CDK14: variants seen among roughly 807,000 people sequenced by gnomAD.
CDK14 encodes the protein cyclin dependent kinase 14.
CDK14 carries 34 observed loss-of-function variants against 60.7 expected under a neutral mutation model. The ratio of observed to expected loss-of-function variants is 0.56; its 90% CI spans 0.43 to 0.75. The LOEUF is 0.75. CDK14 is among the 30% of genes least tolerant of loss of function. The pLI is 0.00. For synonymous variants in CDK14, 197 were observed against 203.7 expected, an observed-to-expected ratio of 0.97 and a Z score of 0.28; for missense variants, 482 against 564.1, an observed-to-expected ratio of 0.85 and a Z score of 1.47.
intron 11 of CDK14, among the ~76,000 whole-genome samples, chr7:91,073,195 CACATGATCA>C (rs1476447576): frequency 6.6e-6 from 1 of 151,900 alleles, no homozygotes; most frequent in African/African-American, 2.4e-5. Flanking sequence ...AACCCCAAGA[CACATGATCA>C]ACAGATTCTT....
At chr7:90,945,865 T>C (rs1794084060) in intron 8 of CDK14, among the ~76,000 whole-genome samples, 1 of 152,180 alleles carries the variant, frequency 6.6e-6, no homozygotes, top group South Asian at 2.1e-4. Context: ...ATCTTGTAAG[T>C]GGCAGTCATA....
chr7:90,895,328 TTCCTCTCCTCTCCTC>T (rs1266789751), intron 6 of CDK14, among the ~76,000 whole-genome samples: 1 of 58,330 alleles, frequency 1.7e-5, no homozygotes, highest in African/African-American at 5.2e-5. Flanking sequence ...TTCCTCTCCT[TTCCTCTCCTCTCCTC>T]TCCTCTCCTC....
At chr7:90,874,271 C>T (rs1791474382) in intron 6 of CDK14, among the ~76,000 whole-genome samples, 1 of 151,980 alleles carries the variant, frequency 6.6e-6, no homozygotes, top group Non-Finnish European at 1.5e-5. Context: ...TATCTTTATT[C>T]GGTGCTCATG....
At chr7:90,808,249 A>G (rs1052475566) in intron 5 of CDK14, among the ~76,000 whole-genome samples, 5 of 152,264 alleles carry the variant, frequency 3.3e-5, no homozygotes, top group African/African-American at 4.8e-5. Context: ...GAAGCCCATC[A>G]GACTAACAGT....
chr7:90,623,597 G>T (rs1394120589), intron 2 of CDK14, among the ~76,000 whole-genome samples: 1 of 152,120 alleles, frequency 6.6e-6, no homozygotes, highest in Admixed American at 6.5e-5. Flanking sequence ...AGTAGAATAT[G>T]TAAGTATTGT....
chr7:90,624,285 G>A (rs992261084), intron 2 of CDK14, among the ~76,000 whole-genome samples: 1 of 152,170 alleles, frequency 6.6e-6, no homozygotes, highest in Non-Finnish European at 1.5e-5. Context: ...CATCAGATTA[G>A]GGGAGGTATG....
chr7:91,032,548 A>G (rs1796790884), intron 10 of CDK14, among the ~76,000 whole-genome samples: 1 of 152,198 alleles, frequency 6.6e-6, no homozygotes. Context: ...GAGAGGCAGA[A>G]GGAGATTTGA....
intron 12 of CDK14, among the ~76,000 whole-genome samples, chr7:91,088,266 T>G (rs1219108401): frequency 6.6e-6 from 1 of 152,210 alleles, no homozygotes; most frequent in Non-Finnish European, 1.5e-5. Context: ...GGGAAGGGGA[T>G]TCTGAAAGTA....
At chr7:90,789,060 C>T (rs1481840528) in intron 4 of CDK14, among the ~76,000 whole-genome samples, 1 of 152,112 alleles carries the variant, frequency 6.6e-6, no homozygotes, top group Admixed American at 6.6e-5. Context: ...TTTGACCTTG[C>T]AATGGCACTT....
Position 91,209,496 on chromosome 7 carries a change from C to CTTCTT in CDK14, c.*2365_*2369dup, listed in dbSNP as rs944913426. ...TATTTGCAATCATATTCTCCCTCTGCTTCTTTTCTCTTCTGCCCTCCTTGT... is the reference window on the plus strand; with the variant it reads ...TATTTGCAATCATATTCTCCCTCTGCTTCTTTTCTTTTCTCTTCTGCCCTCCTTGT... On this transcript the variant is annotated 3_prime_UTR_variant, in exon 15 of 15. Transcript: ENST00000380050. 1 of 152,360 alleles carries CTTCTT rather than the reference C, an allele frequency of 6.6e-6. No homozygotes were observed. Among genetic ancestry groups the CTTCTT allele is most frequent in the Non-Finnish European group, 1.5e-5 (1 of 68,002 alleles). 9.4% of individuals were successfully genotyped at this position (152,360 alleles called of 1,614,324 possible).
chr7:90,888,872 CTGTT>C (rs1284745683), intron 6 of CDK14, among the ~76,000 whole-genome samples: 1 of 152,188 alleles, frequency 6.6e-6, no homozygotes, highest in Non-Finnish European at 1.5e-5. Flanking sequence ...TTTCAAGTGA[CTGTT>C]TGACTCCATG....
chr7:91,045,477 A>T (rs1014404093), intron 10 of CDK14, among the ~76,000 whole-genome samples: 2 of 152,156 alleles, frequency 1.3e-5, no homozygotes, highest in African/African-American at 4.8e-5. Flanking sequence ...CAGACAGAGG[A>T]TGTGGGGTAG....
At chr7:90,607,600 ATGCT>A (rs1435648691) in intron 2 of CDK14, among the ~76,000 whole-genome samples, 1 of 152,214 alleles carries the variant, frequency 6.6e-6, no homozygotes, top group Non-Finnish European at 1.5e-5. Flanking sequence ...TTCAGGAACT[ATGCT>A]TGTTGTAAAC....
intron 12 of CDK14, among the ~76,000 whole-genome samples, chr7:91,099,232 C>T (rs1178498253): frequency 1.3e-5 from 2 of 152,060 alleles, no homozygotes; most frequent in Admixed American, 6.6e-5. Context: ...TTTACCAGAG[C>T]CTCTGATGGT....
At chr7:90,748,003 G>A (rs1375851620) in intron 4 of CDK14, among the ~76,000 whole-genome samples, 2 of 147,522 alleles carry the variant, frequency 1.4e-5, no homozygotes, top group South Asian at 2.1e-4. Context: ...TGTTTAATGC[G>A]CCTCCCCACA....
At chr7:90,982,118 T>C (rs1208234865) in intron 9 of CDK14, among the ~76,000 whole-genome samples, 2 of 152,314 alleles carry the variant, frequency 1.3e-5, no homozygotes, top group Non-Finnish European at 1.5e-5. Context: ...ACTAACTTGC[T>C]AGGTGGGAAC....
At chr7:90,799,189 C>CTT (rs1478880224) in intron 5 of CDK14, among the ~76,000 whole-genome samples, 1 of 152,072 alleles carries the variant, frequency 6.6e-6, no homozygotes, top group African/African-American at 2.4e-5. Context: ...TCTAGATACT[C>CTT]TAATAGGGAA....
chr7:91,015,521 G>GTTTTTTTT (rs10710645), intron 10 of CDK14, among the ~76,000 whole-genome samples: 18 of 77,680 alleles, frequency 2.3e-4, no homozygotes, highest in South Asian at 5.7e-4. Flanking sequence ...TATGTCTTGG[G>GTTTTTTTT]TTTTTTTTTT....
intron 2 of CDK14, among the ~76,000 whole-genome samples, chr7:90,638,886 T>C (rs929368584): frequency 2.6e-5 from 4 of 151,616 alleles, no homozygotes; most frequent in African/African-American, 7.3e-5. Flanking sequence ...TCATTTCATC[T>C]TCCATCACTG....
Sources: allele counts gnomAD v4.1 joint callset (sites outside exome capture counted in the v4.1 genomes callset), GRCh38; gene constraint gnomAD v4.1.1; transcripts MANE v1.5; gene names NCBI Gene and HGNC (gene_info 2026-07-23, HGNC 2026-07-21).